Variants in ARPC3 observed in about 807,000 individuals in gnomAD.
The protein encoded by ARPC3 is actin related protein 2/3 complex subunit 3.
Under a neutral mutation model 27.6 loss-of-function variants are expected in ARPC3, and 12 were observed. The ratio of observed to expected loss-of-function variants is 0.43; its 90% confidence interval spans 0.28 to 0.70. ARPC3 has a LOEUF of 0.70. Among genes scored for constraint, ARPC3 ranks in the 30% least tolerant of loss-of-function variants. ARPC3 has a pLI of 0.17. For missense variants in ARPC3, 153 were observed against 207.7 expected, an observed-to-expected ratio of 0.74 and a Z score of 1.62; for synonymous variants, 53 against 67.2, an observed-to-expected ratio of 0.79 and a Z score of 1.03.
Position 110,436,741 on chromosome 12 carries a change from C to A in ARPC3, c.253-58G>T, listed in dbSNP as rs192377566. ...ACACACACACACACACACACACACA[C>A]ACACACACACACATATTTTACAGGG... On this transcript the variant is annotated intron_variant, in intron 4 of 6. Transcript: ENST00000228825. 20 of 1,108,514 alleles carry A rather than the reference C, an allele frequency of 1.8e-5. No individual in the cohort carries two copies. In the East Asian group the frequency reaches 4.0e-4, roughly 22 times the overall value. 68.7% of individuals were successfully genotyped at this position (1,108,514 alleles called of 1,614,324 possible).
intron 4 of ARPC3, 62 bp downstream of exon 4, chr12:110,437,022 G>C: frequency 9.1e-7 from 1 of 1,102,118 alleles, no homozygotes; most frequent in East Asian, 2.4e-5. Flanking sequence ...CCAGATGACT[G>C]GGAGGGTAAA....
intron 1 of ARPC3, among the ~76,000 whole-genome samples, chr12:110,448,361 G>GT (rs1395363658): frequency 1.3e-5 from 2 of 152,042 alleles, no homozygotes; most frequent in African/African-American, 4.8e-5. Context: ...GAGTCAAATG[G>GT]TAATTATGGG....
intron 2 of ARPC3, chr12:110,445,070 A>G (rs2062456781): frequency 4.3e-6 from 1 of 232,988 alleles, no homozygotes; most frequent in Non-Finnish European, 8.6e-6. Flanking sequence ...GAATAAAGGA[A>G]GTAGATTTAG....
intron 3 of ARPC3, among the ~76,000 whole-genome samples, chr12:110,437,595 T>C (rs1034903623): frequency 6.6e-6 from 1 of 152,148 alleles, no homozygotes; most frequent in African/African-American, 2.4e-5. Context: ...CTCGAACTCC[T>C]GACCTCAAGT....
In ARPC3 at chr12:110,436,699, T is replaced by TATATATATATAA; in HGVS notation, c.253-17_253-16insTTATATATATAT. ...TGGAATTGCACTGGAAAAAAAAATATATATATATATATACACACACACACA... is the reference window on the plus strand; with the variant it reads ...TGGAATTGCACTGGAAAAAAAAATATATATATATATAAATATATATATATACACACACACACA... On this transcript the variant is annotated splice_polypyrimidine_tract_variant and intron_variant, in intron 4 of 6. Transcript: ENST00000228825. 1 of 633,900 alleles carries TATATATATATAA rather than the reference T, an allele frequency of 1.6e-6. No individual in the cohort carries two copies. Among genetic ancestry groups the TATATATATATAA allele is most frequent in the Non-Finnish European group, 2.5e-6 (1 of 403,986 alleles). The allele number at this position is 633,900 out of a possible 1,614,324, so 39.3% of individuals were successfully genotyped here.
rs762251378 is a variant in ARPC3, at chr12:110,436,220, T to C, written c.380-16A>G. Reference sequence around the variant, plus strand: ...CTCATCACTTCTAAAACAGAACAATTTAAAAAAAACTGTATTTGCAAATAC... The same window carrying C: ...CTCATCACTTCTAAAACAGAACAATCTAAAAAAAACTGTATTTGCAAATAC... On this transcript the variant is annotated splice_polypyrimidine_tract_variant and intron_variant, in intron 5 of 6. Coordinates refer to ENST00000228825, the MANE Select transcript of ARPC3 (RefSeq NM_001278556.2). 1 of 1,602,218 alleles carries C rather than the reference T, an allele frequency of 6.2e-7. No individual in the cohort carries two copies. Among genetic ancestry groups the C allele is most frequent in the Admixed American group, 1.7e-5 (1 of 59,808 alleles).
intron 1 of ARPC3, among the ~76,000 whole-genome samples, chr12:110,449,036 A>C (rs2135506915): frequency 6.6e-6 from 1 of 151,642 alleles, no homozygotes; most frequent in African/African-American, 2.4e-5. Context: ...GGCCTCCCAA[A>C]GTGCTGGGAT....
Position 110,435,981 on chromosome 12 carries a change from C to G in ARPC3, c.474+129G>C, listed in dbSNP as rs2062401828. On this transcript the variant is annotated intron_variant, in intron 6 of 6. Transcript: ENST00000228825. The stretch of plus-strand genomic sequence containing the variant: ...ACTCATATTACATACTAGACATATA[C>G]TGGAAGTTAAGCAACATTGCAATGC... 3 of 804,348 alleles carry G rather than the reference C, an allele frequency of 3.7e-6. No homozygotes were observed. The Admixed American group carries it at 5.2e-5, about 14-fold the overall frequency. The allele number at this position is 804,348 out of a possible 1,614,324, so 49.8% of individuals were successfully genotyped here.
At chr12:110,440,802 T>G (rs1487656179) in intron 2 of ARPC3, among the ~76,000 whole-genome samples, 3 of 149,490 alleles carry the variant, frequency 2.0e-5, no homozygotes. Context: ...CATCTCGGCC[T>G]CCCAAAGTGC....
chr12:110,436,340 T>TA (rs2062403688), intron 5 of ARPC3, 136 bp from the exon 6 acceptor site: 3 of 1,083,060 alleles, frequency 2.8e-6, no homozygotes, highest in Non-Finnish European at 4.0e-6. Context: ...ACAGTCCAGA[T>TA]AGTTTTATAA....
At chr12:110,447,507 G>A (rs2062471615) in intron 1 of ARPC3, among the ~76,000 whole-genome samples, 1 of 152,200 alleles carries the variant, frequency 6.6e-6, no homozygotes, top group African/African-American at 2.4e-5. Context: ...GGGCGGGGTG[G>A]CTCACGCCTG....
chr12:110,446,297 AT>A (rs1336985095), intron 1 of ARPC3, among the ~76,000 whole-genome samples: 349 of 128,746 alleles, frequency 2.7e-3, no homozygotes, highest in Middle Eastern at 3.8e-3. Flanking sequence ...CTACTTCCTA[AT>A]TTTTTTTTTT....
At chr12:110,442,462 G>T (rs1027943961) in intron 2 of ARPC3, among the ~76,000 whole-genome samples, 1 of 151,994 alleles carries the variant, frequency 6.6e-6, no homozygotes, top group Admixed American at 6.6e-5. Flanking sequence ...ACAAAAACTA[G>T]CCGGGCATGG....
At chr12:110,446,784 T>A (rs993292858) in intron 1 of ARPC3, among the ~76,000 whole-genome samples, 1 of 151,722 alleles carries the variant, frequency 6.6e-6, no homozygotes, top group African/African-American at 2.4e-5. Context: ...AATTTTTGTA[T>A]TTTTAGTAGA....
intron 3 of ARPC3, 172 bp from the exon 4 acceptor site, chr12:110,437,324 C>T (rs1482112172): frequency 2.0e-5 from 12 of 607,874 alleles, no homozygotes; most frequent in Non-Finnish European, 3.0e-5. Context: ...TCTCCTTTTC[C>T]GTCTGCCCCT....
At chr12:110,441,077 T>G (rs565525643) in intron 2 of ARPC3, among the ~76,000 whole-genome samples, 2,536 of 118,622 alleles carry the variant, frequency 0.021, no homozygotes, top group Middle Eastern at 0.15. Flanking sequence ...TCTCCTGACC[T>G]CGTGATCCGC....
intron 1 of ARPC3, among the ~76,000 whole-genome samples, chr12:110,447,010 C>T (rs1414014138): frequency 1.3e-5 from 2 of 152,192 alleles, no homozygotes; most frequent in African/African-American, 4.8e-5. Context: ...TCTTCCAATT[C>T]TATGTTCGGT....
At chr12:110,445,665 G>A (rs546523111) in intron 1 of ARPC3, 114 bp from the exon 2 acceptor site, 6 of 789,478 alleles carry the variant, frequency 7.6e-6, no homozygotes, top group Non-Finnish European at 1.3e-5. Context: ...TTAATTAGGG[G>A]AGGGAGAAGG....
chr12:110,443,455 T>C (rs2062448928), intron 2 of ARPC3, among the ~76,000 whole-genome samples: 1 of 150,334 alleles, frequency 6.7e-6, no homozygotes, highest in Non-Finnish European at 1.5e-5. Context: ...TTTTTCGAGA[T>C]CAAGTCTCAC....
Sources: allele counts gnomAD v4.1 joint callset (sites outside exome capture counted in the v4.1 genomes callset), GRCh38; gene constraint gnomAD v4.1.1; transcripts MANE v1.5; gene names NCBI Gene and HGNC (gene_info 2026-07-23, HGNC 2026-07-21).